Variants in TXNRD1 observed in about 807,000 individuals in gnomAD.
TXNRD1 encodes thioredoxin reductase 1, cytoplasmic.
A neutral mutation model predicts 80.3 loss-of-function variants in TXNRD1; 57 were observed. That is an observed-to-expected ratio of 0.71 (90% confidence interval 0.57 to 0.89). TXNRD1 has a LOEUF of 0.89. Ranked by LOEUF, TXNRD1 falls within the 40% of genes least tolerant of loss-of-function variation. The pLI is 0.00. For missense variants in TXNRD1, 730 were observed against 803.0 expected, an observed-to-expected ratio of 0.91 and a Z score of 1.10; for synonymous variants, 291 against 285.2, an observed-to-expected ratio of 1.02 and a Z score of -0.20.
At chr12:104,278,647 G>A (rs766461362) in intron 3 of TXNRD1, among the ~76,000 whole-genome samples, 32 of 151,316 alleles carry the variant, frequency 2.1e-4, no homozygotes, top group Non-Finnish European at 3.5e-4. Context: ...GACTATAGGT[G>A]CACGCCACCA....
intron 15 of TXNRD1, among the ~76,000 whole-genome samples, chr12:104,335,190 T>C (rs547021874): frequency 7.1e-6 from 1 of 141,782 alleles, no homozygotes; most frequent in South Asian, 2.3e-4. Flanking sequence ...ATATGCAATA[T>C]ATTACAGTCC....
At chr12:104,254,424 G>A (rs563116336) in intron 2 of TXNRD1, among the ~76,000 whole-genome samples, 1 of 151,390 alleles carries the variant, frequency 6.6e-6, no homozygotes, top group African/African-American at 2.4e-5. Context: ...CCTATCAGTG[G>A]GTAAATAGCT....
chr12:104,310,171 A>C, intron 4 of TXNRD1: 1 of 1,043,926 alleles, frequency 9.6e-7, no homozygotes, highest in South Asian at 1.7e-5. Context: ...AATGAGATGG[A>C]GTCTCACTCT....
intron 2 of TXNRD1, among the ~76,000 whole-genome samples, chr12:104,254,038 T>G (rs2033186731): frequency 6.6e-6 from 1 of 152,172 alleles, no homozygotes; most frequent in African/African-American, 2.4e-5. Flanking sequence ...CTAGTCTTTT[T>G]CGTTACCAAA....
intron 15 of TXNRD1, among the ~76,000 whole-genome samples, chr12:104,336,616 C>A (rs2036148546): frequency 6.6e-6 from 1 of 152,144 alleles, no homozygotes; most frequent in Non-Finnish European, 1.5e-5. Context: ...ACTCACCATC[C>A]AAAGTCAAGG....
chr12:104,256,776 C>CAAAAAA (rs71069738), intron 2 of TXNRD1, among the ~76,000 whole-genome samples: 2 of 119,020 alleles, frequency 1.7e-5, no homozygotes, highest in Admixed American at 9.5e-5. Context: ...GACTCTGTCT[C>CAAAAAA]AAAAAAAAAA....
At chr12:104,288,873 C>G (rs758867783) in intron 3 of TXNRD1, 58 bp from the exon 4 acceptor site, 7 of 1,613,354 alleles carry the variant, frequency 4.3e-6, no homozygotes, top group African/African-American at 1.3e-5. Context: ...GCGCAGTTCC[C>G]GCCTGTTAGC....
intron 4 of TXNRD1, chr12:104,304,027 C>T (rs2034768124): frequency 3.7e-6 from 6 of 1,612,896 alleles, no homozygotes; most frequent in Non-Finnish European, 4.2e-6. Flanking sequence ...TGGAGCTCAC[C>T]GCTGACGAGG....
intron 12 of TXNRD1, among the ~76,000 whole-genome samples, chr12:104,326,767 A>G (rs1162508214): frequency 6.6e-6 from 1 of 151,816 alleles, no homozygotes; most frequent in Non-Finnish European, 1.5e-5. Flanking sequence ...TGCCTGGCCC[A>G]TTATGTCATA....
At chr12:104,345,446 A>G (rs111382878) in intron 16 of TXNRD1, among the ~76,000 whole-genome samples, 2,334 of 152,336 alleles carry the variant, frequency 0.015, 23 homozygotes, top group Middle Eastern at 0.048. Context: ...TTAGCAAAGT[A>G]ATTTCCAAAG....
intron 1 of TXNRD1, among the ~76,000 whole-genome samples, chr12:104,241,817 G>A (rs527625649): frequency 1.6e-4 from 25 of 152,006 alleles, no homozygotes; most frequent in African/African-American, 5.5e-4. Context: ...GATTACAGGC[G>A]TGAGCCACCA....
chr12:104,288,812 C>T (rs780432831), intron 3 of TXNRD1, 119 bp from the exon 4 acceptor site: 17 of 1,602,948 alleles, frequency 1.1e-5, no homozygotes, highest in Middle Eastern at 1.7e-4. Flanking sequence ...GCAAGGGAGT[C>T]AACAGAGGGC....
intron 3 of TXNRD1, among the ~76,000 whole-genome samples, chr12:104,267,241 C>CTCTTTCTTTTTTTCTTTCTT (rs2033515674): frequency 1.2e-5 from 1 of 85,750 alleles, no homozygotes; most frequent in East Asian, 3.9e-4. Context: ...ATTTTCTTTT[C>CTCTTTCTTTTTTTCTTTCTT]TCTTTCTTTC....
chr12:104,327,464 CTTAA>C (rs1373225622), intron 12 of TXNRD1, 47 bp from the exon 13 acceptor site: 4 of 1,549,730 alleles, frequency 2.6e-6, no homozygotes, highest in Middle Eastern at 1.7e-4. Flanking sequence ...TTTTGTTCTC[CTTAA>C]TTAATAATGG....
intron 8 of TXNRD1, among the ~76,000 whole-genome samples, 191 bp from the exon 9 acceptor site, chr12:104,319,279 A>AAAACATTGT (rs1555215765): frequency 6.6e-6 from 1 of 152,216 alleles, no homozygotes; most frequent in Non-Finnish European, 1.5e-5. Flanking sequence ...GCTTGGCTCC[A>AAAACATTGT]GCACTTACTA....
intron 1 of TXNRD1, among the ~76,000 whole-genome samples, chr12:104,226,958 C>T (rs1450124939): frequency 6.6e-6 from 1 of 152,036 alleles, no homozygotes; most frequent in Non-Finnish European, 1.5e-5. Flanking sequence ...GTCAGTAGCT[C>T]AAGATAGTAA....
chr12:104,338,709 A>AG (rs2036225406), intron 15 of TXNRD1, among the ~76,000 whole-genome samples: 2 of 151,864 alleles, frequency 1.3e-5, no homozygotes. Flanking sequence ...AAAAAAAAAA[A>AG]AAGTCTCTGG....
intron 3 of TXNRD1, among the ~76,000 whole-genome samples, chr12:104,288,244 C>T (rs191456681): frequency 1.1e-4 from 17 of 152,192 alleles, no homozygotes; most frequent in Non-Finnish European, 1.6e-4. Context: ...CCGCCTCGGC[C>T]TCCCAAATAA....
At chr12:104,305,650 CTATT>C (rs2034878907) in intron 4 of TXNRD1, among the ~76,000 whole-genome samples, 1 of 152,184 alleles carries the variant, frequency 6.6e-6, no homozygotes. Flanking sequence ...TATGGAAAAA[CTATT>C]ATATTTGATA....
Sources: gnomAD v4.1 joint callset for allele counts (sites outside exome capture counted in the v4.1 genomes callset) on GRCh38, gnomAD v4.1.1 for gene constraint, MANE v1.5 for transcripts, NCBI Gene and HGNC (gene_info 2026-07-23, HGNC 2026-07-21) for gene names.